FARP1: variants seen among roughly 807,000 people sequenced by gnomAD.
The protein encoded by FARP1 is FERM, ARH/RhoGEF and pleckstrin domain protein 1.
Under a neutral mutation model 128.8 loss-of-function variants are expected in FARP1, and 52 were observed. The observed-to-expected ratio is 0.40, with a 90% CI of 0.32 to 0.51. The LOEUF (loss-of-function observed/expected upper bound fraction) is 0.51. FARP1 is among the 20% of genes least tolerant of loss of function. The pLI, the probability that FARP1 is intolerant of heterozygous loss-of-function variation, is 0.45. For synonymous variants in FARP1, 580 were observed against 551.8 expected (o/e 1.05, Z -0.72); for missense variants, 1,333 against 1,367.9 (o/e 0.97, Z 0.40).
intron 2 of FARP1, among the ~76,000 whole-genome samples, chr13:98,222,374 T>C (rs1881463883): frequency 6.6e-6 from 1 of 152,208 alleles, no homozygotes; most frequent in African/African-American, 2.4e-5. Context: ...TGCCCGTACA[T>C]TATCTCATTT....
At chr13:98,192,249 T>C (rs1391332165) in intron 1 of FARP1, among the ~76,000 whole-genome samples, 1 of 152,176 alleles carries the variant, frequency 6.6e-6, no homozygotes, top group Non-Finnish European at 1.5e-5. Flanking sequence ...CTTGTGTTTA[T>C]AGCCTTTTTA....
intron 2 of FARP1, among the ~76,000 whole-genome samples, chr13:98,217,489 C>T (rs1179223600): frequency 2.6e-5 from 4 of 152,186 alleles, no homozygotes; most frequent in African/African-American, 7.2e-5. Flanking sequence ...GTAACTTTCT[C>T]GTGTTGCTGT....
intron 2 of FARP1, among the ~76,000 whole-genome samples, chr13:98,340,233 G>T: frequency 6.6e-6 from 1 of 152,112 alleles, no homozygotes; most frequent in Non-Finnish European, 1.5e-5. Flanking sequence ...ATAATTGGTG[G>T]TTTATTTTCA....
chr13:98,447,128 A>C (rs1892896760), intron 26 of FARP1: 1 of 308,624 alleles, frequency 3.2e-6, no homozygotes, highest in Non-Finnish European at 6.1e-6. Flanking sequence ...TACATGGTGT[A>C]ATGGCAGGGA....
At chr13:98,412,080 C>T (rs746598514) in intron 16 of FARP1, 46 bp downstream of exon 16, 3 of 1,593,578 alleles carry the variant, frequency 1.9e-6, no homozygotes, top group Non-Finnish European at 1.7e-6. Context: ...CTCCGTCTTG[C>T]TTGTGTTATT....
intron 2 of FARP1, among the ~76,000 whole-genome samples, chr13:98,218,076 G>T (rs1881191541): frequency 6.6e-6 from 1 of 152,080 alleles, no homozygotes; most frequent in African/African-American, 2.4e-5. Context: ...GACTTCCTCT[G>T]CCTCCTACTC....
At chr13:98,243,559 G>C (rs773004672) in intron 2 of FARP1, among the ~76,000 whole-genome samples, 1 of 151,772 alleles carries the variant, frequency 6.6e-6, no homozygotes, top group Admixed American at 6.6e-5. Flanking sequence ...TTAGCCGGGC[G>C]TGGTGGTGGG....
intron 2 of FARP1, among the ~76,000 whole-genome samples, chr13:98,232,276 T>C (rs1882176732): frequency 6.6e-6 from 1 of 152,166 alleles, no homozygotes; most frequent in Admixed American, 6.5e-5. Flanking sequence ...TTATTTACTT[T>C]TGTTTTGAAG....
At chr13:98,216,211 CA>C (rs1416744078) in intron 2 of FARP1, among the ~76,000 whole-genome samples, 1 of 152,184 alleles carries the variant, frequency 6.6e-6, no homozygotes, top group Non-Finnish European at 1.5e-5. Flanking sequence ...GATTCTGAGT[CA>C]GTACCTCATG....
chr13:98,165,942 C>G (rs1444872027), intron 1 of FARP1, among the ~76,000 whole-genome samples: 1 of 151,798 alleles, frequency 6.6e-6, no homozygotes, highest in Non-Finnish European at 1.5e-5. Context: ...CTCGTCTCGA[C>G]CTCCTGATCT....
chr13:98,429,674 C>G (rs1293621842), intron 17 of FARP1, among the ~76,000 whole-genome samples: 1 of 152,176 alleles, frequency 6.6e-6, no homozygotes, highest in Non-Finnish European at 1.5e-5. Context: ...CCAGCTGAGG[C>G]AGGAGGAAGT....
At chr13:98,263,272 T>C (rs1265218347) in intron 2 of FARP1, among the ~76,000 whole-genome samples, 1 of 152,148 alleles carries the variant, frequency 6.6e-6, no homozygotes, top group Non-Finnish European at 1.5e-5. Flanking sequence ...CCTCCCAAAG[T>C]GCTGAGATTA....
At chr13:98,434,146 A>C (rs545362369) in intron 18 of FARP1, 15 of 152,354 alleles carry the variant, frequency 9.8e-5, no homozygotes, top group African/African-American at 3.1e-4. Context: ...GTAGGAGCCT[A>C]GGTTTCCAGA....
At chr13:98,446,247 G>A (rs773863609) in intron 25 of FARP1, 42 bp downstream of exon 25, 1 of 1,390,758 alleles carries the variant, frequency 7.2e-7, no homozygotes, top group Non-Finnish European at 1.0e-6. Flanking sequence ...GGACCTTGGG[G>A]GTGGCAGCAT....
chr13:98,282,608 A>G lies in FARP1; in HGVS notation c.172-61154A>G, dbSNP rs147696807. On this transcript the variant is annotated intron_variant, in intron 2 of 26. Transcript: ENST00000319562. ...TCAGAGGATTAAAAGATTTGACCTT[A>G]AAAGAGAATTTCTGGGCCAGGCGCC... is the stretch of plus-strand genomic sequence containing the variant. Among the ~76,000 whole-genome samples, 174 of 152,300 alleles carry G rather than the reference A, an allele frequency of 1.1e-3. 2 individuals carry two copies. The East Asian group carries it at 0.029, about 26-fold the overall frequency.
intron 1 of FARP1, among the ~76,000 whole-genome samples, chr13:98,211,497 T>C (rs530267878): frequency 2.6e-5 from 4 of 152,332 alleles, no homozygotes; most frequent in East Asian, 1.9e-4. Context: ...GCCACAAAGG[T>C]TGGGGACCGC....
At chr13:98,302,205 C>A (rs1190112203) in intron 2 of FARP1, among the ~76,000 whole-genome samples, 3 of 152,234 alleles carry the variant, frequency 2.0e-5, no homozygotes, top group Admixed American at 2.0e-4. Context: ...ATAATCAAAC[C>A]TCCAGAATAA....
intron 2 of FARP1, among the ~76,000 whole-genome samples, chr13:98,288,930 T>C (rs1253096668): frequency 2.0e-5 from 3 of 152,098 alleles, no homozygotes; most frequent in African/African-American, 4.8e-5. Flanking sequence ...TGTTATGAAT[T>C]CTATTTCTGG....
chr13:98,387,480 AC>A (rs1890139136), intron 8 of FARP1, among the ~76,000 whole-genome samples: 1 of 152,228 alleles, frequency 6.6e-6, no homozygotes, highest in Admixed American at 6.5e-5. Context: ...TAATGTAGTC[AC>A]GTGCAAAGCC....
Sources: allele counts gnomAD v4.1 joint callset (sites outside exome capture counted in the v4.1 genomes callset), GRCh38; gene constraint gnomAD v4.1.1; transcripts MANE v1.5; gene names NCBI Gene and HGNC (gene_info 2026-07-23, HGNC 2026-07-21).